The following DDB1 variants were observed in gnomAD, a reference collection of about 807,000 sequenced individuals.
DDB1 encodes the protein DNA damage-binding protein 1.
DDB1 carries 18 observed loss-of-function variants against 133.1 expected under a neutral mutation model. The observed-to-expected ratio is 0.14, with a 90% confidence interval of 0.09 to 0.20. The LOEUF (loss-of-function observed/expected upper bound fraction) is 0.20, where lower values mean the gene tolerates loss of function less well. DDB1 is among the 10% of genes least tolerant of loss of function. The pLI is 1.00. For synonymous variants in DDB1, 580 were observed against 550.5 expected (o/e 1.05, Z -0.75); for missense variants, 828 against 1,459.2 (o/e 0.57, Z 7.05).
chr11:61,310,328 T>C lies in DDB1; in HGVS notation c.2368A>G (p.Asn790Asp). The change falls in exon 19 of 27, where the codon AAC (asparagine) becomes GAC (aspartate). Residue 790 changes from asparagine to aspartate, a missense_variant. By Grantham distance (23) the Asn-to-Asp change is conservative (BLOSUM62 1). Around this residue, in one of 7 missense-constraint regions of DDB1, gnomAD observed 396 missense variants for 554.1 expected, o/e 0.71. Coordinates refer to ENST00000301764, the MANE Select transcript of DDB1 (RefSeq NM_001923.5). Reference protein sequence around the residue: ...TSFGEEVEVHNLLIIDQHTFE... With the variant: ...TSFGEEVEVHDLLIIDQHTFE... ...GTGTGTTGGTCAATGATAAGTAGGTTGTGCACCTCCACCTCTTCTCCAAAG... is the reference window on the plus strand; with the variant it reads ...GTGTGTTGGTCAATGATAAGTAGGTCGTGCACCTCCACCTCTTCTCCAAAG... 6.2e-7 allele frequency: 1 copy of C among 1,612,310 alleles called. No homozygotes were observed. Among genetic ancestry groups the C allele is most frequent in the Non-Finnish European group, 8.5e-7 (1 of 1,179,740 alleles).
chr11:61,325,816 A>T, intron 5 of DDB1, 108 bp from the exon 6 acceptor site: 1 of 835,604 alleles, frequency 1.2e-6, no homozygotes, highest in Non-Finnish European at 2.0e-6. Flanking sequence ...TAAGGTCATC[A>T]TTATTTTAAA....
intron 4 of DDB1, among the ~76,000 whole-genome samples, chr11:61,328,253 A>G (rs1229518740): frequency 2.6e-5 from 4 of 152,246 alleles, no homozygotes. Context: ...TCTTATTCCA[A>G]TAGCTTCAGA....
chr11:61,322,206 G>A, intron 9 of DDB1, 90 bp downstream of exon 9: 2 of 1,033,710 alleles, frequency 1.9e-6, no homozygotes, highest in African/African-American at 1.6e-5. Context: ...AGTATTTTCA[G>A]TGCACCCTCC....
At chr11:61,327,265 T>G (rs951922933) in intron 4 of DDB1, among the ~76,000 whole-genome samples, 1 of 152,138 alleles carries the variant, frequency 6.6e-6, no homozygotes, top group Non-Finnish European at 1.5e-5. Context: ...AGGTCAGGAA[T>G]TCAAGACCAG....
intron 10 of DDB1, among the ~76,000 whole-genome samples, chr11:61,316,988 T>TATATATATATAG (rs1856094928): frequency 1.3e-5 from 1 of 77,114 alleles, no homozygotes; most frequent in Non-Finnish European, 3.0e-5. Context: ...TATATATATA[T>TATATATATATAG]ATATATATAT....
chr11:61,329,381 A>C lies in DDB1; in HGVS notation c.531T>G (p.Thr177=), dbSNP rs1184502372. The change falls in exon 4 of 27, where the codon ACT becomes ACG. Residue 177 remains threonine, a synonymous_variant. Transcript: ENST00000301764. ...VKFLYGCQAP[T]ICFVYQDPQG... ...CCAGTACCTGGTAGACAAAGCAAAT[A>C]GTAGGTGCTTGGCAACCATATAGGA... 3.1e-6 allele frequency: 5 copies of C among 1,614,188 alleles called. No homozygotes were observed. In the South Asian group the frequency reaches 4.4e-5, roughly 14 times the overall value.
chr11:61,331,419 G>A (rs916301753), intron 2 of DDB1, 124 bp downstream of exon 2: 3 of 1,338,402 alleles, frequency 2.2e-6, no homozygotes, highest in Non-Finnish European at 3.0e-6. Context: ...AGGAGTTCAA[G>A]ACATCCTGGG....
At position 61,329,977 on chromosome 11, in the gene DDB1, C is replaced by T; in HGVS notation, c.308G>A (p.Arg103Gln). The T allele has an allele frequency of 6.2e-7, 1 of 1,613,122 alleles. No homozygotes were observed. Among genetic ancestry groups the T allele is most frequent in the South Asian group, 1.1e-5 (1 of 91,048 alleles). The change falls in exon 3 of 27, where the codon CGA becomes CAA. Residue 103 changes from arginine to glutamine, a missense_variant. Transcript: ENST00000301764. ...CCTCACCTGGACATTGCCATGGGCT[C>T]GCGTAATGATGTCAATGCTCTCGCC... The part of the protein sequence containing the change: ...QSGESIDIIT[R>Q]AHGNVQDRIG...
At chr11:61,302,901 T>C in intron 23 of DDB1, 145 bp downstream of exon 23, 1 of 1,278,514 alleles carries the variant, frequency 7.8e-7, no homozygotes, top group South Asian at 1.4e-5. Flanking sequence ...GGTGGATTTC[T>C]GTCACCTTTT....
At chr11:61,320,785 A>T (rs1207920928) in intron 10 of DDB1, among the ~76,000 whole-genome samples, 1 of 152,052 alleles carries the variant, frequency 6.6e-6, no homozygotes, top group Non-Finnish European at 1.5e-5. Context: ...CAAACAGGAC[A>T]TTTACATTTA....
rs1856065944 is a variant in DDB1 at position 61,316,334 on chromosome 11, T to A, written c.1361A>T (p.Asp454Val). ...GTTGCCACAGAAGAAAGTCTGCTGATCATCCACGAAACCCATCAGTTCGGT... is the reference window on the plus strand; with the variant it reads ...GTTGCCACAGAAGAAAGTCTGCTGAACATCCACGAAACCCATCAGTTCGGT... ...EETELMGFVD[D>V]QQTFFCGNVA... Residue 454 changes from aspartate (D) to valine (V), a missense_variant, in exon 12 of 27, where the codon GAT becomes GTT. Transcript: ENST00000301764. 6.2e-7 allele frequency: 1 copy of A among 1,614,068 alleles called. No individual in the cohort carries two copies. The highest frequency in any genetic ancestry group is 8.5e-7 in the Non-Finnish European group (1 of 1,180,036).
chr11:61,303,753 G>T, intron 22 of DDB1, 112 bp downstream of exon 22: 1 of 1,171,218 alleles, frequency 8.5e-7, no homozygotes, highest in Non-Finnish European at 1.2e-6. Flanking sequence ...TCTGCTCCGG[G>T]GAAAACATTT....
intron 26 of DDB1, 70 bp from the exon 27 acceptor site, chr11:61,300,289 C>G: frequency 2.0e-6 from 3 of 1,484,648 alleles, no homozygotes; most frequent in Non-Finnish European, 2.8e-6. Flanking sequence ...GAAGGGAATG[C>G]CCCCAGTGAA....
rs1453598919 is a variant in DDB1 at position 61,316,970 on chromosome 11, T to G, written c.1226-403A>C. ...AGATATATATATATATATATATATATATATATATATATATATATATATATA... is the reference window on the plus strand; with the variant it reads ...AGATATATATATATATATATATATAGATATATATATATATATATATATATA... On this transcript the variant is annotated intron_variant, in intron 10 of 26. Coordinates refer to ENST00000301764, the MANE Select transcript of DDB1 (RefSeq NM_001923.5). 7.2e-4 allele frequency among the ~76,000 whole-genome samples: 39 copies of G among 54,332 alleles called. 3 individuals are homozygous for G. Among genetic ancestry groups the G allele is most frequent in the Admixed American group, 2.6e-3 (14 of 5,320 alleles). The allele number at this position is 54,332 out of a possible 152,430, so 35.6% of individuals were successfully genotyped here.
chr11:61,312,110 C>A (rs762156493), intron 16 of DDB1, 26 bp from the exon 17 acceptor site: 2 of 1,608,930 alleles, frequency 1.2e-6, no homozygotes, highest in South Asian at 2.2e-5. Flanking sequence ...TGGGTTTAGA[C>A]TGAGGAGACT....
intron 20 of DDB1, 72 bp from the exon 21 acceptor site, chr11:61,309,149 G>A: frequency 6.9e-7 from 1 of 1,448,778 alleles, no homozygotes; most frequent in Non-Finnish European, 9.7e-7. Flanking sequence ...TCCTCTGGTT[G>A]CCCCTGTGGT....
intron 21 of DDB1, among the ~76,000 whole-genome samples, chr11:61,307,661 T>A (rs147264737): frequency 6.6e-6 from 1 of 152,324 alleles, no homozygotes; most frequent in African/African-American, 2.4e-5. Flanking sequence ...GTATCTCCAG[T>A]GTACCTCTTC....
At chr11:61,324,228 GC>G in intron 6 of DDB1, 91 bp from the exon 7 acceptor site, 1 of 1,426,664 alleles carries the variant, frequency 7.0e-7, no homozygotes, top group Non-Finnish European at 9.8e-7. Flanking sequence ...ACCAAACCCA[GC>G]CATTTTACCA....
Position 61,330,005 on chromosome 11 carries a change from T to A in DDB1, c.280A>T (p.Ser94Cys). ...YNACILEYKQSGESIDIITRA... is the reference protein window; with the variant it reads ...YNACILEYKQCGESIDIITRA... ...GTAATGATGTCAATGCTCTCGCCACTCTGTTTATACTCCAGGATGCAGGCA... is the reference window on the plus strand; with the variant it reads ...GTAATGATGTCAATGCTCTCGCCACACTGTTTATACTCCAGGATGCAGGCA... Residue 94 changes from serine to cysteine, a missense_variant, in exon 3 of 27, where the codon AGT becomes TGT. Ser to Cys is a moderately radical substitution (Grantham distance 112, BLOSUM62 -1). Coordinates refer to ENST00000301764, the MANE Select transcript of DDB1 (RefSeq NM_001923.5). 1 of 1,614,082 alleles carries A rather than the reference T, an allele frequency of 6.2e-7. No individual in the cohort carries two copies. The highest frequency in any genetic ancestry group is 8.5e-7 in the Non-Finnish European group (1 of 1,179,922).
Sources: allele counts gnomAD v4.1 joint callset (sites outside exome capture counted in the v4.1 genomes callset), GRCh38; gene constraint gnomAD v4.1.1; regional missense constraint gnomAD v4.1.1; transcripts MANE v1.5; gene names NCBI Gene and HGNC (gene_info 2026-07-23, HGNC 2026-07-21).